The following CD4 variants were observed in gnomAD, a reference collection of about 807,000 sequenced individuals.
CD4 encodes the protein T-cell surface glycoprotein CD4.
Under a neutral mutation model 50.5 loss-of-function variants are expected in CD4, and 25 were observed. That is an observed-to-expected ratio of 0.49 (90% CI 0.36 to 0.69). The LOEUF is 0.69. CD4 is among the 30% of genes least tolerant of loss of function. CD4 has a pLI of 0.00. For missense variants in CD4, 456 were observed against 548.5 expected (o/e 0.83, Z 1.68); for synonymous variants, 207 against 221.9 (o/e 0.93, Z 0.60).
At chr12:6,813,390 C>T (rs1158102309) in intron 3 of CD4, among the ~76,000 whole-genome samples, 1 of 151,798 alleles carries the variant, frequency 6.6e-6, no homozygotes, top group Non-Finnish European at 1.5e-5. Context: ...GACATTATAG[C>T]TCTTTTTAAT....
At chr12:6,817,432 G>A (rs782153257) in intron 7 of CD4, 102 bp downstream of exon 7, 3 of 991,544 alleles carry the variant, frequency 3.0e-6, no homozygotes, top group East Asian at 2.6e-5. Context: ...CCTGAGTTGG[G>A]GGGTTATGGG....
intron 3 of CD4, among the ~76,000 whole-genome samples, chr12:6,801,060 C>G (rs1419836733): frequency 6.6e-6 from 1 of 151,824 alleles, no homozygotes; most frequent in Non-Finnish European, 1.5e-5. Flanking sequence ...CATGCACCAC[C>G]ATGCCAGGCT....
At position 6,818,044 on chromosome 12, in the gene CD4, T is replaced by G. The variant is rs940898850; in HGVS notation, c.1157-377T>G. Among the ~76,000 whole-genome samples the G allele has an allele frequency of 1.4e-5, 2 of 147,074 alleles. No homozygotes were observed. Among genetic ancestry groups the G allele is most frequent in the Admixed American group, 6.8e-5 (1 of 14,802 alleles). On this transcript the variant is annotated intron_variant, in intron 7 of 9. Transcript: ENST00000011653. The surrounding 1 kb of genome is among the most constrained non-coding windows in gnomAD (Gnocchi z 5.0). ...TTCATACACGCACACAGGCACACATTCACACACATGCACACACGCACACAC... is the reference window on the plus strand; with the variant it reads ...TTCATACACGCACACAGGCACACATGCACACACATGCACACACGCACACAC...
intron 3 of CD4, among the ~76,000 whole-genome samples, chr12:6,803,784 C>T (rs746614018): frequency 2.0e-5 from 3 of 148,750 alleles, no homozygotes; most frequent in Non-Finnish European, 4.5e-5. Flanking sequence ...GACTCCATCA[C>T]AAAAAATAAA....
Position 6,790,473 on chromosome 12 carries a change from T to C in CD4, c.-68+811T>C, listed in dbSNP as rs1022996678. Reference sequence around the variant, plus strand: ...TTGAAACTGAGCTTTTGCGTATGAATTGCCCTAAAAGTTGCAGATACATAT... The same window carrying C: ...TTGAAACTGAGCTTTTGCGTATGAACTGCCCTAAAAGTTGCAGATACATAT... On this transcript the variant is annotated intron_variant, in intron 1 of 9. Coordinates refer to ENST00000011653, the MANE Select transcript of CD4 (RefSeq NM_000616.5). Among the ~76,000 whole-genome samples, 6 of 152,360 alleles carry C rather than the reference T, an allele frequency of 3.9e-5. No homozygotes were observed. The East Asian group carries it at 7.7e-4, about 20-fold the overall frequency.
intron 1 of CD4, chr12:6,798,844 T>C (rs1942454948): frequency 6.6e-6 from 1 of 152,244 alleles, no homozygotes; most frequent in South Asian, 2.1e-4. Context: ...GCTGCAGGGG[T>C]CCACGTGGCA....
intron 3 of CD4, among the ~76,000 whole-genome samples, chr12:6,812,769 TTTTGTGTGTGTG>T (rs782767613): frequency 1.5e-4 from 5 of 32,310 alleles, no homozygotes; most frequent in East Asian, 6.6e-3. Flanking sequence ...CCAAGGTTAT[TTTTGTGTGTGTG>T]TGTGTGTGTG....
At chr12:6,811,963 C>T (rs1177353250) in intron 3 of CD4, among the ~76,000 whole-genome samples, 1 of 152,188 alleles carries the variant, frequency 6.6e-6, no homozygotes, top group Non-Finnish European at 1.5e-5. Context: ...GCATGTGCCA[C>T]CACACCCAGC....
At chr12:6,800,543 T>C in intron 3 of CD4, 72 bp downstream of exon 3, 1 of 1,348,168 alleles carries the variant, frequency 7.4e-7, no homozygotes, top group Non-Finnish European at 1.0e-6. Flanking sequence ...GTCTGAGATC[T>C]GGTCTTAGTT....
chr12:6,801,903 C>T (rs11834772), intron 3 of CD4, among the ~76,000 whole-genome samples: 2,824 of 146,288 alleles, frequency 0.019, 99 homozygotes, highest in African/African-American at 0.066. Flanking sequence ...GGCAAACTCT[C>T]GATCTGTTGC....
chr12:6,816,322 G>T lies in CD4; in HGVS notation c.874G>T (p.Ala292Ser). Residue 292 changes from alanine (A) to serine (S), a missense_variant, in exon 6 of 10, where the codon GCT becomes TCT. Physicochemically the swap from Ala to Ser is moderately conservative, Grantham distance 99 (BLOSUM62 1). Coordinates refer to ENST00000011653, the MANE Select transcript of CD4 (RefSeq NM_000616.5). This position sits in a 1 kb window ranked among gnomAD's most constrained non-coding sequence, Gnocchi z 4.9. The part of the protein sequence containing the change: ...LTLPQALPQY[A>S]GSGNLTLALE... Reference sequence around the variant, plus strand: ...CCTGCCCCAGGCCTTGCCTCAGTATGCTGGCTCTGGAAACCTCACCCTGGC... The same window carrying T: ...CCTGCCCCAGGCCTTGCCTCAGTATTCTGGCTCTGGAAACCTCACCCTGGC... The T allele has an allele frequency of 6.2e-7, 1 of 1,614,240 alleles. No homozygotes were observed. Among genetic ancestry groups the T allele is most frequent in the South Asian group, 1.1e-5 (1 of 91,088 alleles).
At chr12:6,819,274 C>T (rs1943206665) in intron 9 of CD4, 25 bp from the exon 10 acceptor site, 4 of 1,613,250 alleles carry the variant, frequency 2.5e-6, no homozygotes, top group Non-Finnish European at 3.4e-6. Flanking sequence ...GACAGACCTG[C>T]TCCCCTTCTT....
At chr12:6,815,929 TGACAA>T in intron 5 of CD4, 122 bp from the exon 6 acceptor site, 1 of 1,524,766 alleles carries the variant, frequency 6.6e-7, no homozygotes. Flanking sequence ...GTATCTGAAG[TGACAA>T]GGTGGGTGTC....
intron 5 of CD4, 88 bp downstream of exon 5, chr12:6,815,080 C>T: frequency 2.1e-6 from 2 of 930,374 alleles, no homozygotes; most frequent in South Asian, 3.0e-5. Flanking sequence ...GTTTCTGGTT[C>T]TGGTGCTGGG....
rs879969910 is a variant in CD4, at chr12:6,804,180, A to G, written c.214+3709A>G. On this transcript the variant is annotated intron_variant, in intron 3 of 9. Transcript: ENST00000011653. ...ATAAAAAGCACACACACACACACAC[A>G]CACACACACACAATGCAAAAGACCC... 4.9e-3 allele frequency among the ~76,000 whole-genome samples: 363 copies of G among 73,966 alleles called. 2 individuals carry two copies. The highest frequency in any genetic ancestry group is 9.7e-3 in the Non-Finnish European group (288 of 29,790). 48.5% of individuals were successfully genotyped at this position (73,966 alleles called of 152,430 possible).
chr12:6,791,139 T>G (rs1942146407), intron 1 of CD4, among the ~76,000 whole-genome samples: 1 of 152,222 alleles, frequency 6.6e-6, no homozygotes, highest in South Asian at 2.1e-4. Flanking sequence ...CTCCCACCAC[T>G]GGTGCTAGAC....
rs781786552 is a variant in CD4 at position 6,814,803 on chromosome 12, A to G, written c.418A>G (p.Thr140Ala). 1.9e-6 allele frequency: 3 copies of G among 1,613,436 alleles called. No individual in the cohort carries two copies. In the African/African-American group the frequency reaches 4.0e-5, roughly 22 times the overall value. The change falls in exon 5 of 10, where the codon ACC (threonine) becomes GCC (alanine). Residue 140 changes from threonine to alanine, a missense_variant. Coordinates refer to ENST00000011653, the MANE Select transcript of CD4 (RefSeq NM_000616.5). ...DTHLLQGQSLTLTLESPPGSS... is the reference protein window; with the variant it reads ...DTHLLQGQSLALTLESPPGSS... ...CCACCTGCTTCAGGGGCAGAGCCTG[A>G]CCCTGACCTTGGAGAGCCCCCCTGG...
rs1943179678 is a variant in CD4, at chr12:6,818,682, C to G, written c.1278+140C>G. 8.1e-7 allele frequency: 1 copy of G among 1,233,522 alleles called. No homozygotes were observed. The highest frequency in any genetic ancestry group is 1.5e-5 in the African/African-American group (1 of 67,138). The allele number at this position is 1,233,522 out of a possible 1,614,324, so 76.4% of individuals were successfully genotyped here. ...TCCCTTGCTGCCCTGTCCCAGATCC[C>G]ACTCAAGGGAGAGACAGGAAGGAGC... On this transcript the variant is annotated intron_variant, in intron 8 of 9. Coordinates refer to ENST00000011653, the MANE Select transcript of CD4 (RefSeq NM_000616.5). The surrounding 1 kb of genome is among the most constrained non-coding windows in gnomAD (Gnocchi z 5.0).
intron 3 of CD4, among the ~76,000 whole-genome samples, chr12:6,806,176 C>A (rs1394883447): frequency 1.5e-5 from 2 of 132,406 alleles, no homozygotes; most frequent in Non-Finnish European, 3.4e-5. Context: ...CACACACACA[C>A]ACACACATAC....
Sources: allele counts gnomAD v4.1 joint callset (sites outside exome capture counted in the v4.1 genomes callset), GRCh38; gene constraint gnomAD v4.1.1; non-coding constraint Gnocchi (gnomAD v3.1); transcripts MANE v1.5; gene names NCBI Gene and HGNC (gene_info 2026-07-23, HGNC 2026-07-21).